The following CCDC91 variants were observed in gnomAD, a reference collection of about 807,000 sequenced individuals.
The protein encoded by CCDC91 is coiled-coil domain containing 91, also known as coiled-coil domain-containing protein 91.
Under a neutral mutation model 63.2 loss-of-function variants are expected in CCDC91, and 48 were observed. The observed-to-expected ratio is 0.76, with a 90% CI of 0.60 to 0.97. The LOEUF (loss-of-function observed/expected upper bound fraction) is 0.97, where lower values mean the gene tolerates loss of function less well. Among genes scored for constraint, CCDC91 ranks in the 50% least tolerant of loss-of-function variants. The probability of loss-of-function intolerance (pLI) is 0.00; values close to 1 mark genes in which losing one functional copy is unlikely to be tolerated. For missense variants in CCDC91, 500 were observed against 494.6 expected (o/e 1.01, Z -0.10); for synonymous variants, 167 against 165.8 (o/e 1.01, Z -0.06).
At chr12:28,237,235 T>TACACACACACACACACACACACACAC (rs58134900) in intron 1 of CCDC91, among the ~76,000 whole-genome samples, 4 of 143,024 alleles carry the variant, frequency 2.8e-5, no homozygotes, top group African/African-American at 7.7e-5. Context: ...GTATTACACA[T>TACACACACACACACACACACACACAC]ACACACACAC....
chr12:28,370,699 G>A (rs916935586), intron 7 of CCDC91, among the ~76,000 whole-genome samples: 3 of 152,088 alleles, frequency 2.0e-5, no homozygotes, highest in African/African-American at 7.2e-5. Context: ...CTTGAGACTG[G>A]GTAATTTATA....
chr12:28,365,105 G>T (rs137882428), intron 7 of CCDC91, among the ~76,000 whole-genome samples: 1 of 152,070 alleles, frequency 6.6e-6, no homozygotes, highest in Non-Finnish European at 1.5e-5. Flanking sequence ...ATATAACTTC[G>T]TAGGCAATTT....
intron 12 of CCDC91, among the ~76,000 whole-genome samples, chr12:28,529,796 A>G (rs7300587): frequency 0.059 from 8,951 of 152,282 alleles, 362 homozygotes; most frequent in Non-Finnish European, 0.084. Flanking sequence ...ATCTCCATCA[A>G]TTATTTGCTT....
At chr12:28,256,326 C>T (rs1946441088) in intron 1 of CCDC91, among the ~76,000 whole-genome samples, 1 of 151,984 alleles carries the variant, frequency 6.6e-6, no homozygotes, top group African/African-American at 2.4e-5. Context: ...AAGAAACAAT[C>T]TATATGAGAA....
intron 1 of CCDC91, among the ~76,000 whole-genome samples, chr12:28,212,860 G>A (rs1448797493): frequency 6.6e-6 from 1 of 152,188 alleles, no homozygotes; most frequent in Non-Finnish European, 1.5e-5. Flanking sequence ...CTTTATTTGA[G>A]TCCTGACTAT....
intron 6 of CCDC91, among the ~76,000 whole-genome samples, chr12:28,314,598 A>G (rs1459466102): frequency 1.3e-5 from 2 of 151,142 alleles, no homozygotes; most frequent in African/African-American, 4.8e-5. Context: ...GTACACATTA[A>G]GCATCACTTG....
At chr12:28,257,001 C>T (rs1946499589) in intron 1 of CCDC91, 2 of 462,868 alleles carry the variant, frequency 4.3e-6, no homozygotes, top group Non-Finnish European at 3.9e-6. Context: ...TGGCAAAATA[C>T]ATGGTTGCTG....
chr12:28,425,747 T>C (rs1369086836), intron 8 of CCDC91, among the ~76,000 whole-genome samples: 2 of 152,220 alleles, frequency 1.3e-5, no homozygotes, highest in African/African-American at 4.8e-5. Context: ...GTATGCTTTT[T>C]GGACCAGCAG....
chr12:28,203,285 T>A (rs768431858), intron 1 of CCDC91, among the ~76,000 whole-genome samples: 2 of 152,232 alleles, frequency 1.3e-5, no homozygotes, highest in African/African-American at 4.8e-5. Flanking sequence ...CTGAAAAAAG[T>A]TGACTTTGAC....
At chr12:28,353,952 T>A (rs1052255215) in intron 6 of CCDC91, among the ~76,000 whole-genome samples, 4 of 152,086 alleles carry the variant, frequency 2.6e-5, no homozygotes, top group African/African-American at 9.7e-5. Context: ...GGTAGTAGGC[T>A]TAATACCTGT....
chr12:28,325,259 C>A (rs1409244581), intron 6 of CCDC91, among the ~76,000 whole-genome samples: 1 of 151,982 alleles, frequency 6.6e-6, no homozygotes, highest in Non-Finnish European at 1.5e-5. Flanking sequence ...TAAGTGATTT[C>A]TTTATGTAAG....
intron 11 of CCDC91, among the ~76,000 whole-genome samples, chr12:28,476,730 A>G (rs962905291): frequency 6.6e-6 from 1 of 152,166 alleles, no homozygotes; most frequent in African/African-American, 2.4e-5. Flanking sequence ...TAGCAAGACT[A>G]ATAAAGAAGA....
At chr12:28,372,539 T>C (rs1295854471) in intron 7 of CCDC91, among the ~76,000 whole-genome samples, 2 of 152,140 alleles carry the variant, frequency 1.3e-5, no homozygotes, top group African/African-American at 4.8e-5. Flanking sequence ...GTTCTCCTTA[T>C]AGAGATCTTT....
At chr12:28,504,578 C>T (rs189136007) in intron 12 of CCDC91, among the ~76,000 whole-genome samples, 1 of 151,790 alleles carries the variant, frequency 6.6e-6, no homozygotes, top group South Asian at 2.1e-4. Context: ...TTGCTGTGAA[C>T]TCTTATCAAC....
At chr12:28,272,415 G>T (rs1169410980) in intron 3 of CCDC91, among the ~76,000 whole-genome samples, 3 of 142,024 alleles carry the variant, frequency 2.1e-5, no homozygotes, top group African/African-American at 5.1e-5. Flanking sequence ...TAGTAAAGTC[G>T]CTTTTTTTTT....
chr12:28,435,783 T>C (rs1362104308), intron 8 of CCDC91, among the ~76,000 whole-genome samples: 1 of 151,834 alleles, frequency 6.6e-6, no homozygotes, highest in Non-Finnish European at 1.5e-5. Context: ...ATATTGATAC[T>C]TTGGTTGTGG....
intron 8 of CCDC91, among the ~76,000 whole-genome samples, chr12:28,441,251 A>G (rs1448133565): frequency 6.6e-6 from 1 of 152,010 alleles, no homozygotes; most frequent in Non-Finnish European, 1.5e-5. Flanking sequence ...AAATCACCAA[A>G]TGGTGAGTGT....
intron 8 of CCDC91, among the ~76,000 whole-genome samples, chr12:28,429,204 T>G (rs1295672615): frequency 6.6e-6 from 1 of 152,196 alleles, no homozygotes; most frequent in Non-Finnish European, 1.5e-5. Flanking sequence ...CAATAATGTT[T>G]GTGCACAATT....
intron 1 of CCDC91, among the ~76,000 whole-genome samples, chr12:28,199,441 T>C (rs1942038377): frequency 6.6e-6 from 1 of 152,230 alleles, no homozygotes; most frequent in Non-Finnish European, 1.5e-5. Context: ...TCTTGATTTA[T>C]GCAGCTGTCT....
Sources: gnomAD v4.1 joint callset for allele counts (sites outside exome capture counted in the v4.1 genomes callset) on GRCh38, gnomAD v4.1.1 for gene constraint, MANE v1.5 for transcripts, NCBI Gene and HGNC (gene_info 2026-07-23, HGNC 2026-07-21) for gene names.